The following CNN3 variants were observed in gnomAD, a reference collection of about 807,000 sequenced individuals.
The protein encoded by CNN3 is calponin-3.
Under a neutral mutation model 39.0 loss-of-function variants are expected in CNN3, and 11 were observed. That is an observed-to-expected ratio of 0.28 (90% CI 0.18 to 0.47). The LOEUF is 0.47. CNN3 is among the 20% of genes least tolerant of loss of function. The pLI is 0.99. For missense variants in CNN3, 266 were observed against 403.4 expected, an observed-to-expected ratio of 0.66 and a Z score of 2.92; for synonymous variants, 101 against 138.3, an observed-to-expected ratio of 0.73 and a Z score of 1.89.
chr1:94,921,437 C>T (rs1671440903), intron 1 of CNN3, among the ~76,000 whole-genome samples: 1 of 152,134 alleles, frequency 6.6e-6, no homozygotes, highest in Non-Finnish European at 1.5e-5. Context: ...TTTCCTCACT[C>T]TCCTGAATAC....
chr1:94,900,611 A>G (rs1368521203), intron 5 of CNN3, among the ~76,000 whole-genome samples: 1 of 150,158 alleles, frequency 6.7e-6, no homozygotes, highest in East Asian at 1.9e-4. Context: ...CCACCAATAC[A>G]ATTTTGTACT....
chr1:94,903,034 AC>A, intron 3 of CNN3, 87 bp downstream of exon 3: 2 of 1,021,784 alleles, frequency 2.0e-6, no homozygotes, highest in East Asian at 2.8e-5. Flanking sequence ...AAAAAAAAAC[AC>A]AAAACCAAAA....
In CNN3 at chr1:94,927,004, C is replaced by T. The variant is rs1445533163; in HGVS notation, c.-110G>A. The T allele has an allele frequency of 7.9e-7, 1 of 1,266,906 alleles. No individual in the cohort carries two copies. Among genetic ancestry groups the T allele is most frequent in the South Asian group, 1.4e-5 (1 of 72,836 alleles). The allele number at this position is 1,266,906 out of a possible 1,614,324, so 78.5% of individuals were successfully genotyped here. A position where few individuals can be genotyped will look rare whatever the true frequency, so the allele number is the denominator to read the frequency against. On this transcript the variant is annotated 5_prime_UTR_variant, in exon 1 of 7. Coordinates refer to ENST00000370206, the MANE Select transcript of CNN3 (RefSeq NM_001839.5). ...CCGCCGCGGGGGATGCTCGAACTCC[C>T]TCCTCTGGGAGGCGCAGGAGACGGC... is the stretch of plus-strand genomic sequence containing the variant.
Position 94,897,863 on chromosome 1 carries a change from G to A in CNN3, c.869C>T (p.Thr290Ile), listed in dbSNP as rs141237478. The change falls in exon 7 of 7, where the codon ACA (threonine) becomes ATA (isoleucine). Residue 290 changes from threonine to isoleucine, a missense_variant. By Grantham distance (89) the Thr-to-Ile change is moderately conservative. Coordinates refer to ENST00000370206, the MANE Select transcript of CNN3 (RefSeq NM_001839.5). The part of the protein sequence containing the change: ...VIHNGSQGTG[T>I]NGSEISDSDY... Reference sequence around the variant, plus strand: ...ACTATCACTGATTTCCGAACCATTTGTTCCTGTTCCTTGGCTTCCGTTGTG... The same window carrying A: ...ACTATCACTGATTTCCGAACCATTTATTCCTGTTCCTTGGCTTCCGTTGTG... 4.3e-6 allele frequency: 7 copies of A among 1,614,000 alleles called. No individual in the cohort carries two copies. Among genetic ancestry groups the A allele is most frequent in the Non-Finnish European group, 5.9e-6 (7 of 1,180,000 alleles).
chr1:94,903,533 C>A lies in CNN3; in HGVS notation c.58-9G>T. The A allele has an allele frequency of 1.2e-6, 2 of 1,613,798 alleles. No individual in the cohort carries two copies. Among genetic ancestry groups the A allele is most frequent in the Non-Finnish European group, 8.5e-7 (1 of 1,179,834 alleles). ...TCATACTTGGAAGCAATCTGAAATA[C>A]AGGTTAACTCACTTTAGAAGAATTT... On this transcript the variant is annotated splice_polypyrimidine_tract_variant and intron_variant, in intron 1 of 6. Coordinates refer to ENST00000370206, the MANE Select transcript of CNN3 (RefSeq NM_001839.5).
chr1:94,907,648 C>T (rs1241376586), intron 1 of CNN3, among the ~76,000 whole-genome samples: 2 of 152,188 alleles, frequency 1.3e-5, no homozygotes, highest in African/African-American at 2.4e-5. Context: ...ATCGTGAGGT[C>T]AGGAGATCAA....
chr1:94,914,535 C>T (rs1473911743), intron 1 of CNN3, among the ~76,000 whole-genome samples: 1 of 152,182 alleles, frequency 6.6e-6, no homozygotes, highest in Non-Finnish European at 1.5e-5. Context: ...CACGCGGCTC[C>T]TTTACTGAAG....
chr1:94,918,664 C>T (rs1051991074), intron 1 of CNN3, among the ~76,000 whole-genome samples: 20 of 152,002 alleles, frequency 1.3e-4, no homozygotes, highest in Admixed American at 5.9e-4. Flanking sequence ...GAAGCTGAGA[C>T]GGGTGGATCA....
At position 94,897,261 on chromosome 1, in the gene CNN3, T is replaced by C. The variant is rs1232385702; in HGVS notation, c.*481A>G. ...ATTAGCAAACAATACTGTAGAAACA[T>C]TGATATGTAAATTTCTAAAATGCTG... is the stretch of plus-strand genomic sequence containing the variant. On this transcript the variant is annotated 3_prime_UTR_variant, in exon 7 of 7. Coordinates refer to ENST00000370206, the MANE Select transcript of CNN3 (RefSeq NM_001839.5). The C allele has an allele frequency of 6.4e-6, 1 of 156,196 alleles. No individual in the cohort carries two copies. Among genetic ancestry groups the C allele is most frequent in the Admixed American group, 6.2e-5 (1 of 16,150 alleles). 9.7% of individuals were successfully genotyped at this position (156,196 alleles called of 1,614,324 possible). A position where few individuals can be genotyped will look rare whatever the true frequency, so the allele number is the denominator to read the frequency against.
Position 94,926,615 on chromosome 1 carries a change from G to GT in CNN3, c.57+222dup, listed in dbSNP as rs1671590288. Among the ~76,000 whole-genome samples the GT allele has an allele frequency of 6.6e-6, 1 of 152,118 alleles. No homozygotes were observed. Among genetic ancestry groups the GT allele is most frequent in the Non-Finnish European group, 1.5e-5 (1 of 67,994 alleles). On this transcript the variant is annotated intron_variant, in intron 1 of 6. Transcript: ENST00000370206. The surrounding 1 kb of genome is among the most constrained non-coding windows in gnomAD (Gnocchi z 4.2). ...GAACCCACCGCCAGCCACTAGTCCT[G>GT]TCCCACGGCGCGGGAACAAAGCCAG...
At chr1:94,908,783 C>T (rs1359163910) in intron 1 of CNN3, among the ~76,000 whole-genome samples, 1 of 152,048 alleles carries the variant, frequency 6.6e-6, no homozygotes, top group African/African-American at 2.4e-5. Context: ...TCAGGTGATC[C>T]GCCCACCTCA....
chr1:94,901,041 G>A (rs111286895), intron 5 of CNN3, among the ~76,000 whole-genome samples: 19,705 of 152,066 alleles, frequency 0.13, 1,421 homozygotes, highest in African/African-American at 0.17. Flanking sequence ...GCAACAAAGT[G>A]AGATCCCATC....
chr1:94,915,738 C>T (rs755108693), intron 1 of CNN3, among the ~76,000 whole-genome samples: 4 of 152,196 alleles, frequency 2.6e-5, no homozygotes, highest in Non-Finnish European at 5.9e-5. Context: ...AAAGGGGCAG[C>T]CCAATCAGCA....
At chr1:94,905,331 T>A (rs1310797771) in intron 1 of CNN3, among the ~76,000 whole-genome samples, 1 of 152,186 alleles carries the variant, frequency 6.6e-6, no homozygotes, top group Non-Finnish European at 1.5e-5. Flanking sequence ...CCAGGTCAAG[T>A]AGGTGGAAAT....
chr1:94,913,428 C>A (rs72962468), intron 1 of CNN3, among the ~76,000 whole-genome samples: 226 of 152,300 alleles, frequency 1.5e-3, no homozygotes, highest in African/African-American at 5.4e-3. Flanking sequence ...ACCTTGTCTA[C>A]CTGGCCAAGT....
At chr1:94,925,453 G>A (rs1187256702) in intron 1 of CNN3, among the ~76,000 whole-genome samples, 1 of 152,184 alleles carries the variant, frequency 6.6e-6, no homozygotes, top group Non-Finnish European at 1.5e-5. Context: ...AAAATTGTTA[G>A]CAAACTGTTG....
intron 1 of CNN3, among the ~76,000 whole-genome samples, chr1:94,919,341 A>G (rs1405343668): frequency 1.3e-5 from 2 of 152,196 alleles, no homozygotes. Context: ...GATGATGCCT[A>G]ATGTACATAT....
chr1:94,921,188 C>T (rs1204049540), intron 1 of CNN3, among the ~76,000 whole-genome samples: 6 of 152,040 alleles, frequency 3.9e-5, no homozygotes, highest in African/African-American at 1.2e-4. Flanking sequence ...TGAGGTCAGG[C>T]GTTTGAGACC....
At chr1:94,925,264 C>G (rs1175516853) in intron 1 of CNN3, among the ~76,000 whole-genome samples, 2 of 152,192 alleles carry the variant, frequency 1.3e-5, no homozygotes, top group Non-Finnish European at 2.9e-5. Flanking sequence ...TGAATGTGCA[C>G]AACCAGGCCA....
Sources: allele counts gnomAD v4.1 joint callset (sites outside exome capture counted in the v4.1 genomes callset), GRCh38; gene constraint gnomAD v4.1.1; non-coding constraint Gnocchi (gnomAD v3.1); transcripts MANE v1.5; gene names NCBI Gene and HGNC (gene_info 2026-07-23, HGNC 2026-07-21).